ZNF483: variants seen among roughly 807,000 people sequenced by gnomAD.
The protein encoded by ZNF483 is zinc finger protein 483.
A neutral mutation model predicts 28.6 loss-of-function variants in ZNF483; 9 were observed. That is an observed-to-expected ratio of 0.32 (90% confidence interval 0.19 to 0.55). ZNF483 has a LOEUF of 0.55. Ranked by LOEUF, ZNF483 falls within the 20% of genes least tolerant of loss-of-function variation. The pLI, the probability that ZNF483 is intolerant of heterozygous loss-of-function variation, is 0.93. For missense variants in ZNF483, 675 were observed against 871.7 expected (o/e 0.77, Z 2.84); for synonymous variants, 322 against 306.2 (o/e 1.05, Z -0.54).
chr9:111,563,388 C>A (rs1408793399), intron 5 of ZNF483: 1 of 656,110 alleles, frequency 1.5e-6, no homozygotes, highest in African/African-American at 1.8e-5. Flanking sequence ...CAAGGTGGGG[C>A]AAGATCCACT....
downstream of ZNF483, among the ~76,000 whole-genome samples, chr9:111,556,065 G>A (rs1235411453): frequency 6.6e-6 from 1 of 152,226 alleles, no homozygotes; most frequent in Non-Finnish European, 1.5e-5. Context: ...GATAGAACAG[G>A]GGTACAGACA....
At chr9:111,562,710 C>A (rs1371863011) in intron 5 of ZNF483, 28 of 164,054 alleles carry the variant, frequency 1.7e-4, no homozygotes, top group Non-Finnish European at 2.6e-5. Flanking sequence ...GGTATTAGCC[C>A]CCGAAGGCAT....
At chr9:111,532,293 C>T (rs1383846071) in intron 3 of ZNF483, among the ~76,000 whole-genome samples, 7 of 151,998 alleles carry the variant, frequency 4.6e-5, no homozygotes, top group East Asian at 1.9e-4. Context: ...ATTACGCCAC[C>T]GTACTCCAGC....
Position 111,527,744 on chromosome 9 carries a change from CCT to C in ZNF483, c.350_351del (p.Pro117ArgfsTer3). On this transcript the variant is annotated frameshift_variant, in exon 2 of 6. Transcript: ENST00000309235. LOFTEE classifies it high-confidence loss of function. ...CAGGATTTGGGTAAAGTCACAACAT[CCT>C]GAGAGTAGTGAGGAAGTGGTGACCC... is the stretch of plus-strand genomic sequence containing the variant. ...EIRIWVKSQHPESSEEVVTLI... is the reference protein window; with the variant it reads ...EIRIWVKSQHXESSEEVVTLI... The C allele has an allele frequency of 6.2e-7, 1 of 1,614,068 alleles. No individual in the cohort carries two copies. The highest frequency in any genetic ancestry group is 8.5e-7 in the Non-Finnish European group (1 of 1,180,024).
chr9:111,557,117 A>T (rs918863567), downstream of ZNF483, among the ~76,000 whole-genome samples: 7 of 152,212 alleles, frequency 4.6e-5, no homozygotes, highest in African/African-American at 1.4e-4. Flanking sequence ...CTCCTCATGC[A>T]GCATTTCCGC....
At chr9:111,530,513 A>G (rs1827297621) in intron 2 of ZNF483, among the ~76,000 whole-genome samples, 1 of 151,888 alleles carries the variant, frequency 6.6e-6, no homozygotes, top group Non-Finnish European at 1.5e-5. Context: ...TGAGACTGGC[A>G]TCTGAAGTGG....
chr9:111,529,983 G>A (rs1827279428), intron 2 of ZNF483, among the ~76,000 whole-genome samples: 1 of 152,202 alleles, frequency 6.6e-6, no homozygotes, highest in South Asian at 2.1e-4. Context: ...TTTATAATAA[G>A]CTCCTTTTAA....
At chr9:111,567,611 C>T (rs140862917) in intron 5 of ZNF483, among the ~76,000 whole-genome samples, 142 of 152,318 alleles carry the variant, frequency 9.3e-4, no homozygotes, top group Non-Finnish European at 1.7e-3. Context: ...AGAGAGATAT[C>T]AGGGGTCAGA....
intron 5 of ZNF483, among the ~76,000 whole-genome samples, chr9:111,565,050 G>A (rs141179383): frequency 4.0e-4 from 61 of 152,236 alleles, no homozygotes; most frequent in Middle Eastern, 3.4e-3. Flanking sequence ...CATGAACCCG[G>A]CAGGCGGAGG....
rs1336473527 is a variant in ZNF483 at position 111,550,485 on chromosome 9, G to A, written c.*7315G>A. On this transcript the variant is annotated 3_prime_UTR_variant, in exon 6 of 6. Transcript: ENST00000309235. ...ATGGAGTGGGTGGGGATGGGTAGCT[G>A]CTACTTCACTGAAGGCTGAAATCCA... is the stretch of plus-strand genomic sequence containing the variant. Among the ~76,000 whole-genome samples the A allele has an allele frequency of 6.6e-6, 1 of 152,180 alleles. No homozygotes were observed. The highest frequency in any genetic ancestry group is 1.5e-5 in the Non-Finnish European group (1 of 68,024).
chr9:111,528,343 A>G (rs763738676), intron 2 of ZNF483, among the ~76,000 whole-genome samples: 1 of 152,274 alleles, frequency 6.6e-6, no homozygotes, highest in Admixed American at 6.5e-5. Context: ...AAATAGCCAC[A>G]TGCGACTAGT....
chr9:111,548,999 G>A lies in ZNF483; in HGVS notation c.*5829G>A, dbSNP rs1430988288. On this transcript the variant is annotated 3_prime_UTR_variant, in exon 6 of 6. Transcript: ENST00000309235. ...GATTTCAGCAGCTTGATTATAACTT[G>A]TCTTGGTGTCTCTGTGGGGTGAGGG... is the stretch of plus-strand genomic sequence containing the variant. Among the ~76,000 whole-genome samples the A allele has an allele frequency of 6.6e-6, 1 of 151,990 alleles. No homozygotes were observed. The highest frequency in any genetic ancestry group is 2.4e-5 in the African/African-American group (1 of 41,388).
intron 4 of ZNF483, 109 bp downstream of exon 4, chr9:111,533,974 C>G: frequency 7.4e-7 from 1 of 1,359,558 alleles, no homozygotes; most frequent in Non-Finnish European, 1.0e-6. Flanking sequence ...GCTGGGGACC[C>G]AGGGACTGAT....
intron 3 of ZNF483, among the ~76,000 whole-genome samples, chr9:111,533,499 A>C (rs1272041953): frequency 6.6e-6 from 1 of 152,120 alleles, no homozygotes; most frequent in East Asian, 1.9e-4. Flanking sequence ...CTGGGCAAAT[A>C]GTGAGACAAT....
chr9:111,574,967 C>T, intron 5 of ZNF483: 1 of 735,756 alleles, frequency 1.4e-6, no homozygotes, highest in Non-Finnish European at 2.2e-6. Context: ...TGAATTAGCC[C>T]AACAGTGCAG....
chr9:111,537,857 G>A (rs1827556071), intron 5 of ZNF483, among the ~76,000 whole-genome samples: 1 of 151,868 alleles, frequency 6.6e-6, no homozygotes, highest in African/African-American at 2.4e-5. Context: ...CAACTCCTGG[G>A]CTCAAACAAA....
intron 5 of ZNF483, among the ~76,000 whole-genome samples, chr9:111,540,479 A>G (rs1456313669): frequency 6.6e-6 from 1 of 152,202 alleles, no homozygotes; most frequent in Non-Finnish European, 1.5e-5. Context: ...TATTGGAGAA[A>G]GCTCTGGAGA....
intron 5 of ZNF483, among the ~76,000 whole-genome samples, chr9:111,566,423 G>A (rs1311316122): frequency 6.6e-6 from 1 of 152,200 alleles, no homozygotes; most frequent in Non-Finnish European, 1.5e-5. Flanking sequence ...AGAGTGCCAA[G>A]CTCCAGTGGC....
chr9:111,560,276 C>T (rs1354314486), downstream of ZNF483, among the ~76,000 whole-genome samples: 2 of 151,580 alleles, frequency 1.3e-5, no homozygotes, highest in South Asian at 2.1e-4. Context: ...GTCAGGAGAT[C>T]GAGACCATCC....
Sources: allele counts gnomAD v4.1 joint callset (sites outside exome capture counted in the v4.1 genomes callset), GRCh38; gene constraint gnomAD v4.1.1; transcripts MANE v1.5; gene names NCBI Gene and HGNC (gene_info 2026-07-23, HGNC 2026-07-21).